EXOC4: variants seen among roughly 807,000 people sequenced by gnomAD.
EXOC4 encodes the protein exocyst complex component 4, also known as SEC8-like 1.
A neutral mutation model predicts 107.2 loss-of-function variants in EXOC4; 71 were observed. The ratio of observed to expected loss-of-function variants is 0.66; its 90% CI spans 0.55 to 0.81. The LOEUF is 0.81. EXOC4 is among the 30% of genes least tolerant of loss of function. The pLI is 0.00. For missense variants in EXOC4, 1,108 were observed against 1,189.6 expected (o/e 0.93, Z 1.01); for synonymous variants, 456 against 441.2 (o/e 1.03, Z -0.42).
intron 5 of EXOC4, among the ~76,000 whole-genome samples, chr7:133,319,838 C>CTTTTTTTT (rs35274622): frequency 5.3e-5 from 5 of 94,634 alleles, no homozygotes; most frequent in African/African-American, 1.3e-4. Context: ...TGATCGTGTG[C>CTTTTTTTT]TTTTTTTTTT....
chr7:133,798,273 G>T (rs1796857388), intron 10 of EXOC4, among the ~76,000 whole-genome samples: 1 of 152,108 alleles, frequency 6.6e-6, no homozygotes, highest in Non-Finnish European at 1.5e-5. Context: ...ATAAACATAG[G>T]ATATTGTGAG....
chr7:133,909,928 T>C (rs2116598477), intron 12 of EXOC4, among the ~76,000 whole-genome samples: 1 of 146,814 alleles, frequency 6.8e-6, no homozygotes, highest in South Asian at 2.3e-4. Flanking sequence ...GATTTTTTTT[T>C]TTTTTTTTTT....
In EXOC4 at chr7:133,696,189, T is replaced by A. The variant is rs540318033; in HGVS notation, c.1514+66048T>A. Among the ~76,000 whole-genome samples, 8 of 152,270 alleles carry A rather than the reference T, an allele frequency of 5.3e-5. No individual in the cohort carries two copies. The East Asian group carries it at 1.5e-3, about 29-fold the overall frequency. Reference sequence around the variant, plus strand: ...TCATGTACTCTGTGTTTTGCAGAGATGCTGTTAAAGTGTCACAGGACCTCC... The same window carrying A: ...TCATGTACTCTGTGTTTTGCAGAGAAGCTGTTAAAGTGTCACAGGACCTCC... On this transcript the variant is annotated intron_variant, in intron 10 of 17. Transcript: ENST00000253861.
chr7:133,317,446 A>T (rs1462552094), intron 5 of EXOC4, 56 bp downstream of exon 5: 11 of 1,237,842 alleles, frequency 8.9e-6, no homozygotes, highest in Non-Finnish European at 1.3e-5. Context: ...GTTCCTAGGT[A>T]GATATCTGGA....
intron 10 of EXOC4, among the ~76,000 whole-genome samples, chr7:133,719,143 C>G (rs2151104241): frequency 1.3e-5 from 2 of 152,290 alleles, no homozygotes; most frequent in Non-Finnish European, 2.9e-5. Flanking sequence ...ATAAGTGTCA[C>G]AAGATCCAAT....
At chr7:133,539,594 G>C (rs1045845563) in intron 9 of EXOC4, among the ~76,000 whole-genome samples, 1 of 147,680 alleles carries the variant, frequency 6.8e-6, no homozygotes, top group Non-Finnish European at 1.5e-5. Context: ...TCTGTGGGGT[G>C]GGGGGGTATA....
intron 7 of EXOC4, among the ~76,000 whole-genome samples, chr7:133,470,578 C>T (rs764038026): frequency 1.3e-4 from 20 of 152,142 alleles, no homozygotes; most frequent in Non-Finnish European, 2.6e-4. Context: ...TGCTTTCCAA[C>T]TGTTTTGTTG....
At chr7:134,002,323 C>T (rs957367181) in intron 15 of EXOC4, among the ~76,000 whole-genome samples, 1 of 152,084 alleles carries the variant, frequency 6.6e-6, no homozygotes, top group Non-Finnish European at 1.5e-5. Flanking sequence ...TAAAACTTAG[C>T]TTAAAATGGA....
chr7:133,972,024 T>C (rs2116880118), intron 14 of EXOC4, among the ~76,000 whole-genome samples: 1 of 144,098 alleles, frequency 6.9e-6, no homozygotes, highest in East Asian at 2.1e-4. Context: ...TCTCTTGACT[T>C]TCTGATACAT....
intron 10 of EXOC4, among the ~76,000 whole-genome samples, chr7:133,727,116 T>C (rs1330368925): frequency 1.3e-5 from 2 of 152,238 alleles, no homozygotes; most frequent in African/African-American, 4.8e-5. Context: ...TTATTTTTAA[T>C]AGATTGTCAA....
At chr7:133,692,471 C>T (rs1794443015) in intron 10 of EXOC4, among the ~76,000 whole-genome samples, 1 of 152,158 alleles carries the variant, frequency 6.6e-6, no homozygotes, top group Admixed American at 6.5e-5. Context: ...GGGACACTCA[C>T]AGGGTCTTTG....
intron 17 of EXOC4, among the ~76,000 whole-genome samples, chr7:134,012,722 A>G (rs1585321226): frequency 2.0e-5 from 3 of 152,286 alleles, no homozygotes; most frequent in Middle Eastern, 3.4e-3. Context: ...TGAGATCTCA[A>G]TAGGAGCACA....
intron 7 of EXOC4, among the ~76,000 whole-genome samples, chr7:133,419,964 C>CTTT (rs60203961): frequency 1.5e-5 from 2 of 134,472 alleles, no homozygotes; most frequent in Non-Finnish European, 1.6e-5. Flanking sequence ...TCTGCTTCTT[C>CTTT]TTTTTTTTTT....
chr7:133,319,577 CCTT>C (rs1264742662), intron 5 of EXOC4, among the ~76,000 whole-genome samples: 2 of 152,112 alleles, frequency 1.3e-5, no homozygotes, highest in Admixed American at 1.3e-4. Flanking sequence ...GCAACCTCCT[CCTT>C]CTGGGCTCAT....
At chr7:133,868,845 T>A (rs866666644) in intron 11 of EXOC4, among the ~76,000 whole-genome samples, 8 of 152,262 alleles carry the variant, frequency 5.3e-5, no homozygotes, top group African/African-American at 9.6e-5. Context: ...ATCATTTCAA[T>A]GGGGTTTCAA....
intron 14 of EXOC4, among the ~76,000 whole-genome samples, chr7:133,961,585 C>G (rs1800946827): frequency 6.6e-6 from 1 of 152,108 alleles, no homozygotes; most frequent in Non-Finnish European, 1.5e-5. Flanking sequence ...GCCCCCGTGC[C>G]CAGCCTCATA....
chr7:134,008,479 T>C (rs1794694602), intron 17 of EXOC4, among the ~76,000 whole-genome samples: 1 of 152,188 alleles, frequency 6.6e-6, no homozygotes, highest in African/African-American at 2.4e-5. Flanking sequence ...TTTGAATTTT[T>C]CCCTTTTTTT....
chr7:133,787,251 C>CT (rs765445899), intron 10 of EXOC4, among the ~76,000 whole-genome samples: 19 of 144,984 alleles, frequency 1.3e-4, no homozygotes, highest in Admixed American at 8.7e-4. Flanking sequence ...ACTGCAGCCT[C>CT]TAACTCCTGG....
chr7:133,643,109 A>G (rs114036458), intron 10 of EXOC4, among the ~76,000 whole-genome samples: 2,761 of 152,280 alleles, frequency 0.018, 53 homozygotes, highest in African/African-American at 0.055. Context: ...AAGAGAACAC[A>G]GGTGTTATTT....
Sources: allele counts gnomAD v4.1 joint callset (sites outside exome capture counted in the v4.1 genomes callset), GRCh38; gene constraint gnomAD v4.1.1; transcripts MANE v1.5; gene names NCBI Gene and HGNC (gene_info 2026-07-23, HGNC 2026-07-21).